The following PDE6C variants were observed in gnomAD, a reference collection of about 807,000 sequenced individuals.
The protein encoded by PDE6C is cone cGMP-specific 3',5'-cyclic phosphodiesterase subunit alpha'.
A neutral mutation model predicts 113.1 loss-of-function variants in PDE6C; 75 were observed. The observed-to-expected ratio is 0.66, with a 90% confidence interval of 0.55 to 0.80. The LOEUF is 0.80. Ranked by LOEUF, PDE6C falls within the 30% of genes least tolerant of loss-of-function variation. The probability of loss-of-function intolerance (pLI) is 0.00; values close to 1 mark genes in which losing one functional copy is unlikely to be tolerated. For missense variants in PDE6C, 912 were observed against 1,038.6 expected (o/e 0.88, Z 1.67); for synonymous variants, 375 against 363.7 (o/e 1.03, Z -0.35).
At position 93,613,061 on chromosome 10, in the gene PDE6C, T is replaced by A; in HGVS notation, c.336T>A (p.Ser112=). 1 of 1,614,208 alleles carries A rather than the reference T, an allele frequency of 6.2e-7. No homozygotes were observed. The highest frequency in any genetic ancestry group is 8.5e-7 in the Non-Finnish European group (1 of 1,180,040). ...RSRNGIPEVA[S]RLLDVTPTSK... is the part of the protein sequence containing the mutation. ...GGAACGGCATACCTGAGGTGGCCTC[T>A]AGGTTGCTGGATGTCACCCCCACCT... The change falls in exon 1 of 22, where the codon TCT becomes TCA. Residue 112 remains serine (S), a synonymous_variant. Coordinates refer to ENST00000371447, the MANE Select transcript of PDE6C (RefSeq NM_006204.4).
intron 18 of PDE6C, among the ~76,000 whole-genome samples, chr10:93,659,967 C>A (rs2058658594): frequency 1.3e-5 from 2 of 152,192 alleles, no homozygotes; most frequent in Admixed American, 6.5e-5. Flanking sequence ...GTTCTTCCCC[C>A]ACCTTGGGGA....
chr10:93,657,749 TATATGA>T (rs1256324513), intron 16 of PDE6C, among the ~76,000 whole-genome samples: 1 of 152,148 alleles, frequency 6.6e-6, no homozygotes, highest in Admixed American at 6.5e-5. Flanking sequence ...CCTGTATATA[TATATGA>T]GAGTTTCTCT....
intron 15 of PDE6C, among the ~76,000 whole-genome samples, chr10:93,649,892 A>C (rs2058601945): frequency 6.6e-6 from 1 of 152,194 alleles, no homozygotes; most frequent in African/African-American, 2.4e-5. Context: ...GGTGTGAGCC[A>C]CCATGCCTAG....
chr10:93,638,545 A>C (rs2058544652), intron 11 of PDE6C, among the ~76,000 whole-genome samples: 1 of 152,224 alleles, frequency 6.6e-6, no homozygotes, highest in African/African-American at 2.4e-5. Context: ...TATTTAAAGG[A>C]AGAAGGATCT....
At chr10:93,652,630 A>C (rs2058614381) in intron 15 of PDE6C, among the ~76,000 whole-genome samples, 7 of 152,186 alleles carry the variant, frequency 4.6e-5, no homozygotes, top group Admixed American at 3.9e-4. Flanking sequence ...ACTTTAATAC[A>C]GTTGTTTTAT....
Position 93,659,001 on chromosome 10 carries a change from A to T in PDE6C, c.2137A>T (p.Ile713Phe). 1 of 1,593,598 alleles carries T rather than the reference A, an allele frequency of 6.3e-7. No individual in the cohort carries two copies. The highest frequency in any genetic ancestry group is 8.6e-7 in the Non-Finnish European group (1 of 1,161,472). ...AACTGTTGATCCAACCAAGAAAGAG[A>T]TTATCATGTAGGTAGTTGAAATTGT... ...YVTVDPTKKE[I>F]IMAMMMTACD... The change falls in exon 17 of 22, where the codon ATT becomes TTT. Residue 713 changes from isoleucine to phenylalanine, a missense_variant. Physicochemically the swap from Ile to Phe is conservative, Grantham distance 21. Coordinates refer to ENST00000371447, the MANE Select transcript of PDE6C (RefSeq NM_006204.4).
chr10:93,634,836 GT>G lies in PDE6C; in HGVS notation c.1199del (p.Val400GlyfsTer35), dbSNP rs1456847860. The G allele has an allele frequency of 6.2e-7, 1 of 1,614,030 alleles. No homozygotes were observed. Among genetic ancestry groups the G allele is most frequent in the African/African-American group, 1.3e-5 (1 of 74,934 alleles). ...TATTGTCAACAAGAAAGAAGATATT[GT>G]GGGAGTGGCTACATTTTACAACAGG... ...LPIVNKKEDI[V>X]GVATFYNRKD... On this transcript the variant is annotated frameshift_variant, in exon 9 of 22. Transcript: ENST00000371447. LOFTEE classifies it high-confidence loss of function.
intron 16 of PDE6C, among the ~76,000 whole-genome samples, chr10:93,657,598 T>C (rs1450749690): frequency 6.6e-6 from 1 of 152,284 alleles, no homozygotes; most frequent in South Asian, 2.1e-4. Context: ...TGATAATAAA[T>C]GGAGCTCCAA....
intron 1 of PDE6C, among the ~76,000 whole-genome samples, chr10:93,613,518 C>T (rs767076300): frequency 1.6e-4 from 24 of 152,308 alleles, no homozygotes; most frequent in South Asian, 2.1e-4. Context: ...CCCTCCCTTA[C>T]GCCTCCTCCA....
rs970992771 is a variant in PDE6C at position 93,648,530 on chromosome 10, G to A, written c.1935+2483G>A. Among the ~76,000 whole-genome samples, 3 of 152,040 alleles carry A rather than the reference G, an allele frequency of 2.0e-5. No homozygotes were observed. The East Asian group carries it at 5.8e-4, about 29-fold the overall frequency. Reference sequence around the variant, plus strand: ...AAAAATTTTAATTTTTTTAAATAAGGGAAATCCTTGGGATTTATCCAGTAA... The same window carrying A: ...AAAAATTTTAATTTTTTTAAATAAGAGAAATCCTTGGGATTTATCCAGTAA... On this transcript the variant is annotated intron_variant, in intron 15 of 21. Coordinates refer to ENST00000371447, the MANE Select transcript of PDE6C (RefSeq NM_006204.4).
At chr10:93,649,063 C>T (rs1054661557) in intron 15 of PDE6C, among the ~76,000 whole-genome samples, 3 of 152,120 alleles carry the variant, frequency 2.0e-5, no homozygotes, top group Non-Finnish European at 4.4e-5. Flanking sequence ...TCGAGAGCCA[C>T]GATCTGAATG....
chr10:93,644,901 G>GTATATATAGTA (rs56271523), intron 14 of PDE6C, among the ~76,000 whole-genome samples: 3 of 145,404 alleles, frequency 2.1e-5, no homozygotes, highest in African/African-American at 7.5e-5. Flanking sequence ...AGTATATATA[G>GTATATATAGTA]TATATATACA....
At chr10:93,646,273 T>C (rs2058584054) in intron 15 of PDE6C, among the ~76,000 whole-genome samples, 1 of 152,060 alleles carries the variant, frequency 6.6e-6, no homozygotes, top group African/African-American at 2.4e-5. Flanking sequence ...AGAATCTCTG[T>C]GGGTCTGTAG....
chr10:93,663,225 G>C, intron 21 of PDE6C, 47 bp downstream of exon 21: 1 of 1,587,010 alleles, frequency 6.3e-7, no homozygotes, highest in Non-Finnish European at 8.6e-7. Context: ...CCAGAAGCTA[G>C]GCTGAGCTTA....
chr10:93,648,046 C>G (rs1386704191), intron 15 of PDE6C, among the ~76,000 whole-genome samples: 1 of 152,158 alleles, frequency 6.6e-6, no homozygotes, highest in Non-Finnish European at 1.5e-5. Context: ...CAGTCACCTA[C>G]TAAAACAAAA....
intron 15 of PDE6C, among the ~76,000 whole-genome samples, chr10:93,654,780 T>TTC (rs1491041317): frequency 4.9e-5 from 3 of 61,040 alleles, no homozygotes; most frequent in Non-Finnish European, 1.0e-4. Context: ...CTTTCTTTCT[T>TTC]TCTTTCTTTC....
At chr10:93,658,178 A>C (rs1447878010) in intron 16 of PDE6C, among the ~76,000 whole-genome samples, 2 of 144,418 alleles carry the variant, frequency 1.4e-5, no homozygotes, top group African/African-American at 5.2e-5. Context: ...TCAAAAAAAA[A>C]AAAAAAAAAA....
At chr10:93,627,270 A>G (rs1176749088) in intron 7 of PDE6C, among the ~76,000 whole-genome samples, 3 of 151,160 alleles carry the variant, frequency 2.0e-5, no homozygotes, top group African/African-American at 7.3e-5. Flanking sequence ...AAAAAAAAAA[A>G]AAAAAAAAAA....
intron 8 of PDE6C, among the ~76,000 whole-genome samples, chr10:93,634,075 T>C (rs187363895): frequency 6.6e-6 from 1 of 152,102 alleles, no homozygotes; most frequent in Non-Finnish European, 1.5e-5. Flanking sequence ...CAGGCTGGAG[T>C]GCAGTGGCAC....
Sources: gnomAD v4.1 joint callset for allele counts (sites outside exome capture counted in the v4.1 genomes callset) on GRCh38, gnomAD v4.1.1 for gene constraint, MANE v1.5 for transcripts, NCBI Gene and HGNC (gene_info 2026-07-23, HGNC 2026-07-21) for gene names.